Variants in P2RY12 observed in about 807,000 individuals in gnomAD.
P2RY12 encodes the protein P2Y purinoceptor 12.
Under a neutral mutation model 4.5 loss-of-function variants are expected in P2RY12, and 3 were observed. The observed-to-expected ratio is 0.67, with a 90% CI of 0.31 to 1.74. The LOEUF is 1.74. Among genes scored for constraint, P2RY12 ranks in the 40% most tolerant of loss-of-function variants. The pLI is 0.09. For missense variants in P2RY12, 356 were observed against 407.8 expected, an observed-to-expected ratio of 0.87 and a Z score of 1.09; for synonymous variants, 148 against 154.1, an observed-to-expected ratio of 0.96 and a Z score of 0.29.
intron 1 of P2RY12, among the ~76,000 whole-genome samples, chr3:151,349,868 T>TTA (rs1390639914): frequency 6.6e-6 from 1 of 151,376 alleles, no homozygotes; most frequent in Non-Finnish European, 1.5e-5. Flanking sequence ...TTTTTTTTTT[T>TTA]ATAATGTTAG....
intron 1 of P2RY12, chr3:151,360,729 T>C (rs1251300145): frequency 3.6e-6 from 3 of 833,028 alleles, no homozygotes; most frequent in Non-Finnish European, 5.7e-6. Context: ...TAGGCAGTAA[T>C]TTTGATATAC....
At chr3:151,344,852 G>A (rs1752337124) in intron 1 of P2RY12, among the ~76,000 whole-genome samples, 3 of 152,168 alleles carry the variant, frequency 2.0e-5, no homozygotes, top group African/African-American at 4.8e-5. Flanking sequence ...TGTGAGTAAG[G>A]TGAAAGGATA....
intron 1 of P2RY12, chr3:151,365,011 A>G: frequency 6.2e-7 from 1 of 1,614,066 alleles, no homozygotes; most frequent in Non-Finnish European, 8.5e-7. Context: ...CAAACCATAT[A>G]TAATAACGTG....
chr3:151,365,187 G>A, intron 1 of P2RY12: 1 of 1,613,832 alleles, frequency 6.2e-7, no homozygotes, highest in Non-Finnish European at 8.5e-7. Context: ...TGTATGTATG[G>A]GCCATCAGGA....
intron 1 of P2RY12, chr3:151,383,934 G>A (rs1313861951): frequency 1.3e-6 from 2 of 1,548,516 alleles, no homozygotes; most frequent in South Asian, 2.3e-5. Context: ...TGTATGCATG[G>A]TATAAGCTTT....
chr3:151,347,152 C>G (rs1560057679), intron 1 of P2RY12, among the ~76,000 whole-genome samples: 1 of 151,738 alleles, frequency 6.6e-6, no homozygotes. Flanking sequence ...ACCCTACAAA[C>G]TTTTTTACTC....
At chr3:151,362,219 T>A (rs1002669877) in intron 1 of P2RY12, among the ~76,000 whole-genome samples, 3 of 151,886 alleles carry the variant, frequency 2.0e-5, no homozygotes, top group Non-Finnish European at 4.4e-5. Context: ...TAAAACACAT[T>A]TTCAACATCC....
chr3:151,368,689 TATTTCATTTCATTTCATTTCATTTC>T (rs1175917645), intron 1 of P2RY12, among the ~76,000 whole-genome samples: 30 of 42,002 alleles, frequency 7.1e-4, no homozygotes, highest in East Asian at 4.5e-3. Flanking sequence ...CATTTCATTT[TATTTCATTTCATTTCATTTCATTTC>T]ATTTCATTTC....
intron 1 of P2RY12, among the ~76,000 whole-genome samples, chr3:151,368,648 TCA>T (rs1438345691): frequency 5.3e-4 from 34 of 64,526 alleles, no homozygotes; most frequent in African/African-American, 2.0e-3. Flanking sequence ...TCATTTCATT[TCA>T]TTTCATTTCA....
At chr3:151,356,716 GT>G (rs1409650880) in intron 1 of P2RY12, among the ~76,000 whole-genome samples, 2 of 152,064 alleles carry the variant, frequency 1.3e-5, no homozygotes, top group African/African-American at 4.8e-5. Context: ...AATAGAGCAT[GT>G]TTTAGGTTAA....
intron 1 of P2RY12, among the ~76,000 whole-genome samples, chr3:151,345,239 C>T (rs927540184): frequency 2.6e-5 from 4 of 152,126 alleles, no homozygotes; most frequent in Non-Finnish European, 4.4e-5. Flanking sequence ...AAAGAGGTAG[C>T]CTGACGTCTC....
chr3:151,347,205 T>C (rs1752650590), intron 1 of P2RY12, among the ~76,000 whole-genome samples: 1 of 152,190 alleles, frequency 6.6e-6, no homozygotes. Flanking sequence ...TCTCAACACT[T>C]AATCATCAGG....
At chr3:151,344,576 G>A (rs929472945) in intron 1 of P2RY12, among the ~76,000 whole-genome samples, 1 of 152,120 alleles carries the variant, frequency 6.6e-6, no homozygotes, top group African/African-American at 2.4e-5. Flanking sequence ...TCTTAGAGAC[G>A]TGATAGGTTG....
chr3:151,350,255 C>T (rs1306778192), intron 1 of P2RY12: 2 of 1,581,912 alleles, frequency 1.3e-6, no homozygotes, highest in East Asian at 2.3e-5. Context: ...TTTTGCCTTC[C>T]CTCTGAGCAC....
intron 1 of P2RY12, chr3:151,355,304 T>C: frequency 9.2e-7 from 1 of 1,085,038 alleles, no homozygotes; most frequent in Non-Finnish European, 1.4e-6. Flanking sequence ...ATTTTTTTCA[T>C]GCAGTATATT....
Position 151,364,970 on chromosome 3 carries a change from T to C in P2RY12, c.-180+19722A>G, listed in dbSNP as rs146776211. 78 of 1,597,116 alleles carry C rather than the reference T, an allele frequency of 4.9e-5. No individual in the cohort carries two copies. The African/African-American group carries it at 8.7e-4, about 18-fold the overall frequency. Reference sequence around the variant, plus strand: ...TTTTCTGTTTTAACTTTTTTTCTTATAACCTCAGTAGTGCCTGTTCAAAAG... The same window carrying C: ...TTTTCTGTTTTAACTTTTTTTCTTACAACCTCAGTAGTGCCTGTTCAAAAG... On this transcript the variant is annotated intron_variant, in intron 1 of 2. Transcript: ENST00000302632.
chr3:151,377,880 A>G (rs1425005869), intron 1 of P2RY12: 1 of 848,152 alleles, frequency 1.2e-6, no homozygotes, highest in African/African-American at 1.7e-5. Context: ...AAGATAATAC[A>G]GAAATAAAAG....
chr3:151,372,545 C>T (rs768378660), intron 1 of P2RY12: 1 of 1,598,458 alleles, frequency 6.3e-7, no homozygotes, highest in Admixed American at 1.7e-5. Context: ...TGTGATTTTG[C>T]TTTTGTGATT....
At chr3:151,353,259 T>C (rs890908691) in intron 1 of P2RY12, among the ~76,000 whole-genome samples, 3 of 152,232 alleles carry the variant, frequency 2.0e-5, no homozygotes, top group African/African-American at 7.2e-5. Context: ...TGCACAAGAC[T>C]ATTGATGTTA....
Sources: gnomAD v4.1 joint callset for allele counts (sites outside exome capture counted in the v4.1 genomes callset) on GRCh38, gnomAD v4.1.1 for gene constraint, MANE v1.5 for transcripts, NCBI Gene and HGNC (gene_info 2026-07-23, HGNC 2026-07-21) for gene names.